NCOA1: variants seen among roughly 807,000 people sequenced by gnomAD.
NCOA1 encodes nuclear receptor coactivator 1, also known as Hin-2 protein.
In NCOA1, 35 loss-of-function variants were observed where a neutral mutation model predicts 150.9. The observed-to-expected ratio is 0.23, with a 90% CI of 0.18 to 0.31. The LOEUF (loss-of-function observed/expected upper bound fraction) is 0.31. Ranked by LOEUF, NCOA1 falls within the 10% of genes least tolerant of loss-of-function variation. NCOA1 has a pLI of 1.00. For synonymous variants in NCOA1, 590 were observed against 630.0 expected, an observed-to-expected ratio of 0.94 and a Z score of 0.95; for missense variants, 1,491 against 1,749.3, an observed-to-expected ratio of 0.85 and a Z score of 2.63.
At chr2:24,754,881 TG>T (rs1456898545) in intron 20 of NCOA1, among the ~76,000 whole-genome samples, 1 of 152,246 alleles carries the variant, frequency 6.6e-6, no homozygotes, top group Non-Finnish European at 1.5e-5. Context: ...GATTCAAATA[TG>T]GGTATAGGTT....
At chr2:24,745,574 G>T (rs189513530) in intron 19 of NCOA1, among the ~76,000 whole-genome samples, 1 of 152,152 alleles carries the variant, frequency 6.6e-6, no homozygotes, top group Non-Finnish European at 1.5e-5. Context: ...CTTCTTTTCT[G>T]TGAACTACAA....
intron 1 of NCOA1, among the ~76,000 whole-genome samples, chr2:24,494,049 T>C (rs1369343541): frequency 6.6e-6 from 1 of 152,226 alleles, no homozygotes; most frequent in East Asian, 1.9e-4. Context: ...GCCTAAATAA[T>C]TTAAAGATGT....
chr2:24,739,115 A>G (rs1663473748), intron 17 of NCOA1, among the ~76,000 whole-genome samples: 1 of 152,116 alleles, frequency 6.6e-6, no homozygotes, highest in African/African-American at 2.4e-5. Context: ...GCACTTATCT[A>G]AAATAACTAT....
At position 24,768,741 on chromosome 2, in the gene NCOA1, CAAG is replaced by C. The variant is rs932397684; in HGVS notation, c.*358_*360del. 35 of 227,844 alleles carry C rather than the reference CAAG, an allele frequency of 1.5e-4. No individual in the cohort carries two copies. In the Middle Eastern group the frequency reaches 5.4e-3, roughly 35 times the overall value. 14.1% of individuals were successfully genotyped at this position (227,844 alleles called of 1,614,324 possible). A position where few individuals can be genotyped will look rare whatever the true frequency, so the allele number is the denominator to read the frequency against. ...GGAGGAGAACCAAAACGACAAGTTC[CAAG>C]AAGAAGATGAAGCTCCGCCTCCGCC... On this transcript the variant is annotated 3_prime_UTR_variant, in exon 23 of 23. Coordinates refer to ENST00000348332, the MANE Select transcript of NCOA1 (RefSeq NM_003743.5).
intron 1 of NCOA1, among the ~76,000 whole-genome samples, chr2:24,531,710 G>A (rs1484000167): frequency 2.6e-5 from 4 of 152,152 alleles, no homozygotes; most frequent in Non-Finnish European, 5.9e-5. Flanking sequence ...TACGGTGTTT[G>A]GTTTTCTGCC....
chr2:24,735,724 G>T (rs2148654145), intron 17 of NCOA1, among the ~76,000 whole-genome samples: 1 of 152,252 alleles, frequency 6.6e-6, no homozygotes, highest in South Asian at 2.1e-4. Context: ...TATTGGTTGA[G>T]ATTTTTAAAA....
chr2:24,535,316 C>T (rs866281454), intron 1 of NCOA1, among the ~76,000 whole-genome samples: 13 of 152,150 alleles, frequency 8.5e-5, no homozygotes, highest in African/African-American at 2.9e-4. Flanking sequence ...GATCTTCCTC[C>T]ATCCCTTTAT....
At chr2:24,674,143 G>GTGTGTGTGTGTGTGTA (rs1391624708) in intron 7 of NCOA1, among the ~76,000 whole-genome samples, 5 of 146,008 alleles carry the variant, frequency 3.4e-5, no homozygotes, top group African/African-American at 1.2e-4. Context: ...GTGTGTGTGT[G>GTGTGTGTGTGTGTGTA]TGTGTGTGTA....
chr2:24,529,912 T>C (rs1377761177), intron 1 of NCOA1, among the ~76,000 whole-genome samples: 1 of 152,256 alleles, frequency 6.6e-6, no homozygotes. Flanking sequence ...AGACATTCTT[T>C]ACTTTTAGCC....
chr2:24,575,602 C>T (rs1204889230), intron 2 of NCOA1, among the ~76,000 whole-genome samples: 144 of 140,894 alleles, frequency 1.0e-3, no homozygotes, highest in African/African-American at 3.8e-3. Flanking sequence ...GAGACAGAGT[C>T]TCGCTCTGTC....
chr2:24,613,895 G>C (rs1250640816), intron 3 of NCOA1, among the ~76,000 whole-genome samples: 7 of 152,152 alleles, frequency 4.6e-5, no homozygotes, highest in African/African-American at 1.7e-4. Context: ...TGAGTTTTAG[G>C]AGTATTCACA....
At chr2:24,604,638 T>A (rs545885888) in intron 3 of NCOA1, among the ~76,000 whole-genome samples, 1 of 152,180 alleles carries the variant, frequency 6.6e-6, no homozygotes, top group South Asian at 2.1e-4. Context: ...TTGAAGATAG[T>A]TGGGGGTCTT....
At chr2:24,716,487 G>A (rs560043689) in intron 14 of NCOA1, among the ~76,000 whole-genome samples, 1 of 152,054 alleles carries the variant, frequency 6.6e-6, no homozygotes, top group South Asian at 2.1e-4. Flanking sequence ...TATAACAACT[G>A]AACATCTATG....
intron 1 of NCOA1, among the ~76,000 whole-genome samples, chr2:24,534,954 G>A (rs1295875463): frequency 6.6e-6 from 1 of 152,166 alleles, no homozygotes; most frequent in Admixed American, 6.5e-5. Flanking sequence ...TTCTGTAGAT[G>A]TCTATTAGTT....
intron 3 of NCOA1, among the ~76,000 whole-genome samples, chr2:24,593,465 T>TTATC (rs1286250153): frequency 6.6e-6 from 1 of 152,124 alleles, no homozygotes; most frequent in Non-Finnish European, 1.5e-5. Context: ...ACCCTGCCTG[T>TTATC]GAAAGGAAAC....
At chr2:24,742,658 C>T (rs368726997) in intron 19 of NCOA1, among the ~76,000 whole-genome samples, 17 of 149,368 alleles carry the variant, frequency 1.1e-4, no homozygotes, top group African/African-American at 4.0e-4. Context: ...GACAGGGTTT[C>T]ACCATGTTGC....
At chr2:24,762,613 GT>G in intron 21 of NCOA1, 73 bp from the exon 22 acceptor site, 1 of 1,300,416 alleles carries the variant, frequency 7.7e-7, no homozygotes. Context: ...CAGTGAGATT[GT>G]TTTTCATTGG....
chr2:24,687,621 A>T (rs1235368293), intron 8 of NCOA1, among the ~76,000 whole-genome samples: 1 of 152,188 alleles, frequency 6.6e-6, no homozygotes, highest in African/African-American at 2.4e-5. Flanking sequence ...TGCCTTCTTC[A>T]CAAGGAGGCA....
intron 3 of NCOA1, among the ~76,000 whole-genome samples, chr2:24,602,663 ATAT>A (rs1488041469): frequency 1.3e-5 from 2 of 152,076 alleles, no homozygotes; most frequent in South Asian, 2.1e-4. Context: ...AATAAAATAA[ATAT>A]TATTTAAATA....
Sources: allele counts gnomAD v4.1 joint callset (sites outside exome capture counted in the v4.1 genomes callset), GRCh38; gene constraint gnomAD v4.1.1; transcripts MANE v1.5; gene names NCBI Gene and HGNC (gene_info 2026-07-23, HGNC 2026-07-21).